Variants in MTA3 observed in about 807,000 individuals in gnomAD.
MTA3 encodes metastasis-associated protein MTA3.
Under a neutral mutation model 83.5 loss-of-function variants are expected in MTA3, and 34 were observed. The ratio of observed to expected loss-of-function variants is 0.41; its 90% CI spans 0.31 to 0.54. The LOEUF (loss-of-function observed/expected upper bound fraction) is 0.54. MTA3 is among the 20% of genes least tolerant of loss of function. The pLI, the probability that MTA3 is intolerant of heterozygous loss-of-function variation, is 0.33. For missense variants in MTA3, 761 were observed against 726.4 expected (o/e 1.05, Z -0.55); for synonymous variants, 303 against 252.7 (o/e 1.20, Z -1.89).
rs1399708687 is a variant in MTA3 at position 42,506,646 on chromosome 2, TATTA to T, written c.-141+11393_-141+11396del. On this transcript the variant is annotated intron_variant, in intron 2 of 17. Transcript: ENST00000405592. ...ATTATTATTTATTTATTTATTTATT[TATTA>T]TTCTTTTTTGATATGGAGTCTCTGT... Among the ~76,000 whole-genome samples, 5 of 121,852 alleles carry T rather than the reference TATTA, an allele frequency of 4.1e-5. No homozygotes were observed. The East Asian group carries it at 1.1e-3, about 28-fold the overall frequency. 79.9% of individuals were successfully genotyped at this position (121,852 alleles called of 152,430 possible).
At chr2:42,615,152 A>G (rs905383688) in intron 4 of MTA3, among the ~76,000 whole-genome samples, 4 of 151,834 alleles carry the variant, frequency 2.6e-5, no homozygotes, top group African/African-American at 4.8e-5. Context: ...TTAGCTGGTC[A>G]TGGTGGCACG....
At chr2:42,595,708 T>C (rs1681713135) in intron 3 of MTA3, among the ~76,000 whole-genome samples, 2 of 152,306 alleles carry the variant, frequency 1.3e-5, no homozygotes, top group East Asian at 1.9e-4. Context: ...TATTTGGGTA[T>C]ATATATATTT....
chr2:42,675,525 T>C (rs994876243), intron 8 of MTA3, among the ~76,000 whole-genome samples: 1 of 152,230 alleles, frequency 6.6e-6, no homozygotes. Context: ...TAAACATTTT[T>C]ACCTGTGTAT....
intron 2 of MTA3, among the ~76,000 whole-genome samples, chr2:42,525,926 C>T (rs1472120053): frequency 6.6e-6 from 1 of 151,650 alleles, no homozygotes; most frequent in East Asian, 2.0e-4. Flanking sequence ...TCCCCAAGTG[C>T]TAGGATTACA....
intron 2 of MTA3, 30 bp downstream of exon 2, chr2:42,570,534 T>C: frequency 7.9e-7 from 1 of 1,260,234 alleles, no homozygotes; most frequent in Non-Finnish European, 1.1e-6. Flanking sequence ...AATTTTAATA[T>C]TAAAAATATT....
At chr2:42,606,633 C>T (rs1448653910) in intron 3 of MTA3, among the ~76,000 whole-genome samples, 11 of 139,252 alleles carry the variant, frequency 7.9e-5, no homozygotes, top group Non-Finnish European at 1.4e-4. Context: ...ACATCCCAGA[C>T]GATGGGCGGC....
intron 2 of MTA3, among the ~76,000 whole-genome samples, chr2:42,518,017 C>A (rs1047506396): frequency 6.6e-5 from 10 of 151,968 alleles, no homozygotes; most frequent in African/African-American, 2.4e-4. Context: ...GAAACCCCTC[C>A]TCTACTAAAA....
chr2:42,635,229 A>G lies in MTA3; in HGVS notation c.318-4944A>G, dbSNP rs796292542. On this transcript the variant is annotated intron_variant, in intron 4 of 16. Coordinates refer to ENST00000405094, the MANE Select transcript of MTA3 (RefSeq NM_001330442.2). ...TCTTTATTTTTTTATTTGATTGTTCATTGTGTTCATTGTGTTAAATGCTGT... is the reference window on the plus strand; with the variant it reads ...TCTTTATTTTTTTATTTGATTGTTCGTTGTGTTCATTGTGTTAAATGCTGT... Among the ~76,000 whole-genome samples, 3 of 152,196 alleles carry G rather than the reference A, an allele frequency of 2.0e-5. 1 individual carries two copies. The highest frequency in any genetic ancestry group is 4.8e-5 in the African/African-American group (2 of 41,552).
At chr2:42,695,288 A>G (rs1253051109) in intron 9 of MTA3, among the ~76,000 whole-genome samples, 1 of 152,144 alleles carries the variant, frequency 6.6e-6, no homozygotes, top group Non-Finnish European at 1.5e-5. Context: ...TTTCTCAAAT[A>G]TTCTAGAATG....
intron 2 of MTA3, among the ~76,000 whole-genome samples, chr2:42,572,476 G>A (rs1392947065): frequency 6.6e-6 from 1 of 151,994 alleles, no homozygotes; most frequent in African/African-American, 2.4e-5. Context: ...TTACTTGGGA[G>A]GCTGAGGAAG....
chr2:42,564,067 C>CGCCG (rs1677796148), upstream of MTA3, among the ~76,000 whole-genome samples: 1 of 152,032 alleles, frequency 6.6e-6, no homozygotes, highest in African/African-American at 2.4e-5. Context: ...TCAGGTGATC[C>CGCCG]GCCTTTGCCT....
At chr2:42,613,957 GA>G (rs1684530836) in intron 4 of MTA3, 1 of 152,152 alleles carries the variant, frequency 6.6e-6, no homozygotes, top group Non-Finnish European at 1.5e-5. Flanking sequence ...CACAGTGATT[GA>G]GGTCGCTGAA....
intron 16 of MTA3, among the ~76,000 whole-genome samples, chr2:42,749,508 C>T (rs534765677): frequency 4.6e-4 from 70 of 152,226 alleles, no homozygotes; most frequent in African/African-American, 1.6e-3. Flanking sequence ...TGCTCTGTCA[C>T]CCGTGCTGGA....
intron 14 of MTA3, among the ~76,000 whole-genome samples, chr2:42,710,186 A>C (rs1666479576): frequency 6.6e-6 from 1 of 152,230 alleles, no homozygotes; most frequent in African/African-American, 2.4e-5. Context: ...GTTCCTAAAG[A>C]TAATTTTTAG....
chr2:42,621,468 C>G (rs965079267), intron 4 of MTA3, among the ~76,000 whole-genome samples: 22 of 152,240 alleles, frequency 1.4e-4, no homozygotes, highest in African/African-American at 4.8e-4. Flanking sequence ...AGATCAACAG[C>G]ATCCCAAGGC....
chr2:42,516,626 G>GAACT (rs1675156467), intron 2 of MTA3, among the ~76,000 whole-genome samples: 1 of 152,188 alleles, frequency 6.6e-6, no homozygotes, highest in South Asian at 2.1e-4. Context: ...TCTAGACTTG[G>GAACT]AACTATTGAG....
chr2:42,677,895 C>G (rs1691529156), intron 8 of MTA3, among the ~76,000 whole-genome samples: 1 of 152,170 alleles, frequency 6.6e-6, no homozygotes, highest in Admixed American at 6.5e-5. Context: ...ACACAAATAT[C>G]TTACTGTACT....
At chr2:42,623,057 G>C (rs1029137645) in intron 4 of MTA3, among the ~76,000 whole-genome samples, 2 of 152,214 alleles carry the variant, frequency 1.3e-5, no homozygotes, top group African/African-American at 2.4e-5. Flanking sequence ...GGAAAAGGTA[G>C]TTGTTTTAGT....
In MTA3 at chr2:42,754,741, G is replaced by C. The variant is rs576079337; in HGVS notation, c.*1342G>C. 1,395 of 985,576 alleles carry C rather than the reference G, an allele frequency of 1.4e-3. 2 individuals carry two copies. Among genetic ancestry groups the C allele is most frequent in the Non-Finnish European group, 1.6e-3 (1,300 of 829,998 alleles). The allele number at this position is 985,576 out of a possible 1,614,324, so 61.1% of individuals were successfully genotyped here. On this transcript the variant is annotated 3_prime_UTR_variant, in exon 17 of 17. Transcript: ENST00000405094. ...AGATACGAGAGGCCCAAATAGCCAA[G>C]CTGTTGCAAGACAGAGTGGCTACAA...
Sources: allele counts gnomAD v4.1 joint callset (sites outside exome capture counted in the v4.1 genomes callset), GRCh38; gene constraint gnomAD v4.1.1; transcripts MANE v1.5; gene names NCBI Gene and HGNC (gene_info 2026-07-23, HGNC 2026-07-21).